SLC25A37: variants seen among roughly 807,000 people sequenced by gnomAD.
The protein encoded by SLC25A37 is solute carrier family 25 member 37.
In SLC25A37, 17 loss-of-function variants were observed where a neutral mutation model predicts 31.0. That is an observed-to-expected ratio of 0.55 (90% CI 0.38 to 0.82). SLC25A37 has a LOEUF of 0.82. Ranked by LOEUF, SLC25A37 falls within the 40% of genes least tolerant of loss-of-function variation. The pLI is 0.00. For synonymous variants in SLC25A37, 222 were observed against 193.0 expected (o/e 1.15, Z -1.24); for missense variants, 404 against 465.8 (o/e 0.87, Z 1.22).
In SLC25A37 at chr8:23,571,985, TAGAGAG is replaced by T; in HGVS notation, c.*133_*138del. ...ATGGGCCCTCTGCTCCCCAATGCCT[TAGAGAG>T]AGGAGGGGACGGCACGGCCGCTCAC... On this transcript the variant is annotated 3_prime_UTR_variant, in exon 4 of 4. Coordinates refer to ENST00000519973, the MANE Select transcript of SLC25A37 (RefSeq NM_016612.4). 9.6e-7 allele frequency: 1 copy of T among 1,044,874 alleles called. No homozygotes were observed. Among genetic ancestry groups the T allele is most frequent in the South Asian group, 1.7e-5 (1 of 59,864 alleles). 64.7% of individuals were successfully genotyped at this position (1,044,874 alleles called of 1,614,324 possible). A position where few individuals can be genotyped will look rare whatever the true frequency, so the allele number is the denominator to read the frequency against.
intron 1 of SLC25A37, among the ~76,000 whole-genome samples, chr8:23,548,022 G>A (rs1250473861): frequency 6.6e-6 from 1 of 152,184 alleles, no homozygotes; most frequent in Non-Finnish European, 1.5e-5. Context: ...CACAGATGGG[G>A]TTAGCCCATC....
intron 1 of SLC25A37, among the ~76,000 whole-genome samples, chr8:23,557,891 G>A (rs941555588): frequency 3.9e-5 from 6 of 152,188 alleles, no homozygotes; most frequent in African/African-American, 1.4e-4. Context: ...CTAAACTTTC[G>A]AGGTGCCCGA....
chr8:23,566,800 C>G, intron 2 of SLC25A37: 1 of 986,946 alleles, frequency 1.0e-6, no homozygotes, highest in Non-Finnish European at 1.2e-6. Context: ...CAAGATCTAA[C>G]TAAGCTTTAA....
intron 1 of SLC25A37, among the ~76,000 whole-genome samples, chr8:23,550,217 A>C (rs1053986616): frequency 4.5e-5 from 6 of 134,092 alleles, no homozygotes; most frequent in Non-Finnish European, 7.5e-5. Context: ...AAAAACAAAA[A>C]CCCGCTTTGT....
rs555220222 is a variant in SLC25A37 at position 23,548,551 on chromosome 8, A to G, written c.211-17557A>G. Among the ~76,000 whole-genome samples, 41 of 145,694 alleles carry G rather than the reference A, an allele frequency of 2.8e-4. 1 individual carries two copies. Among genetic ancestry groups the G allele is most frequent in the South Asian group, 8.7e-4 (4 of 4,584 alleles). ...AGTGGCGCAATGTCGGCTCACTGTA[A>G]CCTCCACCTCCTGGGTTCAAGCGAT... On this transcript the variant is annotated intron_variant, in intron 1 of 3. Coordinates refer to ENST00000519973, the MANE Select transcript of SLC25A37 (RefSeq NM_016612.4).
At chr8:23,546,172 A>G (rs1020145328) in intron 1 of SLC25A37, among the ~76,000 whole-genome samples, 8 of 151,458 alleles carry the variant, frequency 5.3e-5, no homozygotes, top group African/African-American at 1.9e-4. Context: ...GTGGTGGTGC[A>G]CACCTGTAGT....
intron 2 of SLC25A37, chr8:23,566,826 T>C (rs1241766444): frequency 2.0e-6 from 2 of 985,970 alleles, no homozygotes; most frequent in African/African-American, 1.7e-5. Flanking sequence ...CAAGAAGTTT[T>C]ATGGCTGACA....
Position 23,566,133 on chromosome 8 carries a change from A to T in SLC25A37, c.236A>T (p.Asp79Val), listed in dbSNP as rs748287911. ...ACACGAATGCAGAGTTTGAGTCCAG[A>T]TCCCAAAGCCCAGTACACAAGTATC... ...VKTRMQSLSPDPKAQYTSIYG... is the reference protein window; with the variant it reads ...VKTRMQSLSPVPKAQYTSIYG... Residue 79 changes from aspartate (D) to valine (V), a missense_variant, in exon 2 of 4, where the codon GAT (aspartate) becomes GTT (valine). Physicochemically the swap from Asp to Val is radical, Grantham distance 152. This residue lies in a region of SLC25A37 where 154 missense variants were observed against 153.6 expected (regional missense o/e 1.00). Coordinates refer to ENST00000519973, the MANE Select transcript of SLC25A37 (RefSeq NM_016612.4). The T allele has an allele frequency of 1.3e-6, 2 of 1,594,864 alleles. No individual in the cohort carries two copies. The highest frequency in any genetic ancestry group is 1.7e-6 in the Non-Finnish European group (2 of 1,174,094).
At chr8:23,556,006 C>T (rs768512123) in intron 1 of SLC25A37, among the ~76,000 whole-genome samples, 3 of 152,190 alleles carry the variant, frequency 2.0e-5, no homozygotes, top group Non-Finnish European at 2.9e-5. Flanking sequence ...GCTGGTTGGG[C>T]TCTTTGCTTG....
chr8:23,558,988 A>G (rs544655316), intron 1 of SLC25A37, among the ~76,000 whole-genome samples: 16 of 152,178 alleles, frequency 1.1e-4, no homozygotes, highest in Non-Finnish European at 2.1e-4. Flanking sequence ...TGACACCTGG[A>G]TGTTCTTGGC....
At chr8:23,557,968 G>T (rs1174170518) in intron 1 of SLC25A37, among the ~76,000 whole-genome samples, 1 of 152,092 alleles carries the variant, frequency 6.6e-6, no homozygotes, top group Non-Finnish European at 1.5e-5. Flanking sequence ...CTAGGGCTCA[G>T]CCCTGGGCCC....
At chr8:23,546,556 G>GTATATATATATATATATATAGTGTA (rs1802058331) in intron 1 of SLC25A37, among the ~76,000 whole-genome samples, 1 of 42,590 alleles carries the variant, frequency 2.3e-5, no homozygotes, top group Non-Finnish European at 3.7e-5. Context: ...TATATATAGT[G>GTATATATATATATATATATAGTGTA]TATATATATA....
At position 23,561,591 on chromosome 8, in the gene SLC25A37, C is replaced by A. The variant is rs190179622; in HGVS notation, c.211-4517C>A. Among the ~76,000 whole-genome samples, 17 of 152,338 alleles carry A rather than the reference C, an allele frequency of 1.1e-4. No individual in the cohort carries two copies. The East Asian group carries it at 3.1e-3, about 28-fold the overall frequency. ...GAGCTGGAATTGAGATTGACAACCT[C>A]AGGCTGGGTGGCTGTACAGCCTGGG... is the stretch of plus-strand genomic sequence containing the variant. On this transcript the variant is annotated intron_variant, in intron 1 of 3. Transcript: ENST00000519973.
intron 1 of SLC25A37, among the ~76,000 whole-genome samples, chr8:23,539,809 T>G (rs1585175423): frequency 6.6e-6 from 1 of 152,384 alleles, no homozygotes; most frequent in African/African-American, 2.4e-5. Flanking sequence ...TAGAGCTGTT[T>G]AGGTTAACAG....
intron 1 of SLC25A37, among the ~76,000 whole-genome samples, chr8:23,547,283 T>C (rs1367921034): frequency 6.6e-6 from 1 of 152,128 alleles, no homozygotes; most frequent in Non-Finnish European, 1.5e-5. Flanking sequence ...CCATTCATGG[T>C]GTTGCTTGAC....
In SLC25A37 at chr8:23,542,565, G is replaced by C. The variant is rs916156760; in HGVS notation, c.210+13353G>C. On this transcript the variant is annotated intron_variant, in intron 1 of 3. Transcript: ENST00000519973. ...CGGCTAATTTTGTATTTTTGGTAGA[G>C]ACAGGGTTTCACCATGTTGGCCAGG... is the stretch of plus-strand genomic sequence containing the variant. 1.1e-4 allele frequency among the ~76,000 whole-genome samples: 16 copies of C among 151,922 alleles called. 1 individual carries two copies. The highest frequency in any genetic ancestry group is 9.8e-4 in the Admixed American group (15 of 15,270).
Position 23,528,980 on chromosome 8 carries a change from C to CCTGCGCCCCGCCGAGCTGGCGGATGG in SLC25A37, c.-22_4dup. 1 of 1,475,172 alleles carries CCTGCGCCCCGCCGAGCTGGCGGATGG rather than the reference C, an allele frequency of 6.8e-7. No individual in the cohort carries two copies. The highest frequency in any genetic ancestry group is 2.7e-5 in the East Asian group (1 of 36,400). 91.4% of individuals were successfully genotyped at this position (1,475,172 alleles called of 1,614,324 possible). A position where few individuals can be genotyped will look rare whatever the true frequency, so the allele number is the denominator to read the frequency against. ...CCTCCCTGCCCACCTCCTGCAGCCT[C>CCTGCGCCCCGCCGAGCTGGCGGATGG]CTGCGCCCCGCCGAGCTGGCGGATG... On this transcript the variant is annotated 5_prime_UTR_variant, in exon 1 of 4. In the 5' UTR this introduces an upstream ATG that the reference lacks. Transcript: ENST00000519973.
intron 1 of SLC25A37, among the ~76,000 whole-genome samples, chr8:23,548,828 CT>C (rs1471877960): frequency 6.6e-6 from 1 of 152,158 alleles, no homozygotes; most frequent in Admixed American, 6.5e-5. Flanking sequence ...AAAACACTCT[CT>C]CTCTGCTCTG....
rs67552053 is a variant in SLC25A37 at position 23,550,181 on chromosome 8, CAA to C, written c.211-15908_211-15907del. Reference sequence around the variant, plus strand: ...GGGCAACAAGAGCGAAATTCCGTTTCAAAAAAAAAAAAAAAAAAAACACAAAA... The same window carrying C: ...GGGCAACAAGAGCGAAATTCCGTTTCAAAAAAAAAAAAAAAAAACACAAAA... On this transcript the variant is annotated intron_variant, in intron 1 of 3. Coordinates refer to ENST00000519973, the MANE Select transcript of SLC25A37 (RefSeq NM_016612.4). 2.8e-3 allele frequency among the ~76,000 whole-genome samples: 194 copies of C among 68,712 alleles called. 13 individuals are homozygous for C. Among genetic ancestry groups the C allele is most frequent in the Middle Eastern group, 9.4e-3 (1 of 106 alleles). The allele number at this position is 68,712 out of a possible 152,430, so 45.1% of individuals were successfully genotyped here. A position where few individuals can be genotyped will look rare whatever the true frequency, so the allele number is the denominator to read the frequency against.
Sources: gnomAD v4.1 joint callset for allele counts (sites outside exome capture counted in the v4.1 genomes callset) on GRCh38, gnomAD v4.1.1 for gene constraint, gnomAD v4.1.1 regional missense constraint, MANE v1.5 for transcripts, NCBI Gene and HGNC (gene_info 2026-07-23, HGNC 2026-07-21) for gene names.